SORBS2: variants seen among roughly 807,000 people sequenced by gnomAD.
SORBS2 encodes the protein sorbin and SH3 domain containing 2.
Under a neutral mutation model 97.7 loss-of-function variants are expected in SORBS2, and 46 were observed. The ratio of observed to expected loss-of-function variants is 0.47; its 90% CI spans 0.37 to 0.60. The LOEUF is 0.60. Ranked by LOEUF, SORBS2 falls within the 20% of genes least tolerant of loss-of-function variation. The probability of loss-of-function intolerance (pLI) is 0.00; values close to 1 mark genes in which losing one functional copy is unlikely to be tolerated. For synonymous variants in SORBS2, 476 were observed against 473.4 expected (o/e 1.01, Z -0.07); for missense variants, 1,316 against 1,282.3 (o/e 1.03, Z -0.40).
intron 13 of SORBS2, among the ~76,000 whole-genome samples, chr4:185,590,485 T>G (rs1044041422): frequency 6.6e-6 from 1 of 152,210 alleles, no homozygotes; most frequent in East Asian, 1.9e-4. Flanking sequence ...CTATGTGCAG[T>G]TATTACTGAT....
chr4:185,900,529 CATTTCTCATTAATTGTGAAATA>C (rs1382327648), intron 1 of SORBS2, among the ~76,000 whole-genome samples: 2 of 152,104 alleles, frequency 1.3e-5, no homozygotes, highest in Non-Finnish European at 2.9e-5. Flanking sequence ...GATAGAATCC[CATTTCTCATTAATTGTGAAATA>C]ATTTAGGACA....
intron 1 of SORBS2, among the ~76,000 whole-genome samples, chr4:185,912,568 A>C (rs1425023991): frequency 6.9e-6 from 1 of 144,992 alleles, no homozygotes; most frequent in African/African-American, 2.6e-5. Context: ...CTGGGCAACA[A>C]GAACGAAACT....
intron 2 of SORBS2, among the ~76,000 whole-genome samples, chr4:185,760,261 A>C (rs1448529481): frequency 6.6e-6 from 1 of 152,242 alleles, no homozygotes; most frequent in Non-Finnish European, 1.5e-5. Context: ...TGAAAAATTA[A>C]CAAAATGTGG....
intron 7 of SORBS2, among the ~76,000 whole-genome samples, chr4:185,622,197 G>A (rs2096729441): frequency 6.6e-6 from 1 of 152,154 alleles, no homozygotes; most frequent in South Asian, 2.1e-4. Flanking sequence ...AGAGTTTAGA[G>A]TCACTGTTAG....
At position 185,622,566 on chromosome 4, in the gene SORBS2, G is replaced by C. The variant is rs553213180; in HGVS notation, c.2215+348C>G. 5.3e-5 allele frequency among the ~76,000 whole-genome samples: 8 copies of C among 152,234 alleles called. No homozygotes were observed. The South Asian group carries it at 1.5e-3, about 28-fold the overall frequency. On this transcript the variant is annotated intron_variant, in intron 7 of 14. Coordinates refer to ENST00000418609, the Ensembl canonical transcript of SORBS2. ...AAACATTTTTAAAAGGCTATTTGTG[G>C]AACTATAGGTTTTGATTCATGTCAC...
chr4:185,949,948 C>G (rs2099276388), intron 1 of SORBS2, among the ~76,000 whole-genome samples: 1 of 152,002 alleles, frequency 6.6e-6, no homozygotes, highest in Non-Finnish European at 1.5e-5. Context: ...CAACTGGTAA[C>G]TGATCCTATC....
At chr4:185,881,219 A>G (rs1314892217) in intron 1 of SORBS2, among the ~76,000 whole-genome samples, 2 of 152,210 alleles carry the variant, frequency 1.3e-5, no homozygotes, top group Admixed American at 1.3e-4. Context: ...CCTTTACAGA[A>G]CAATACATTA....
intron 1 of SORBS2, among the ~76,000 whole-genome samples, chr4:185,904,464 C>A (rs1317977072): frequency 6.6e-6 from 1 of 152,136 alleles, no homozygotes; most frequent in Non-Finnish European, 1.5e-5. Context: ...GAGACACCTG[C>A]CTCTCTGTAA....
chr4:185,661,774 G>A (rs193047237), upstream of SORBS2, among the ~76,000 whole-genome samples: 157 of 152,302 alleles, frequency 1.0e-3, no homozygotes, highest in African/African-American at 3.8e-3. Context: ...TTCCAAGTCC[G>A]AACAAGCTGC....
chr4:185,880,484 G>C (rs879554134), intron 1 of SORBS2, among the ~76,000 whole-genome samples: 2 of 152,168 alleles, frequency 1.3e-5, no homozygotes, highest in African/African-American at 4.8e-5. Context: ...GTAATGAATG[G>C]TGTCTTGGAA....
chr4:185,902,168 A>G (rs2099248120), intron 1 of SORBS2, among the ~76,000 whole-genome samples: 1 of 152,226 alleles, frequency 6.6e-6, no homozygotes, highest in African/African-American at 2.4e-5. Context: ...ATCTGGGTTA[A>G]AAATGTTTCT....
chr4:185,801,174 T>G (rs898964549), intron 1 of SORBS2, among the ~76,000 whole-genome samples: 1 of 152,236 alleles, frequency 6.6e-6, no homozygotes, highest in Admixed American at 6.5e-5. Flanking sequence ...TACCATAATG[T>G]CCTCATATGT....
chr4:185,905,890 C>T (rs2099250509), intron 1 of SORBS2, among the ~76,000 whole-genome samples: 1 of 152,194 alleles, frequency 6.6e-6, no homozygotes. Flanking sequence ...AAGTGCCCTG[C>T]TGTCATGAGA....
intron 1 of SORBS2, among the ~76,000 whole-genome samples, chr4:185,924,910 C>G (rs564990987): frequency 1.3e-5 from 2 of 152,140 alleles, no homozygotes; most frequent in Admixed American, 1.3e-4. Flanking sequence ...TTAATCCTAT[C>G]GGCGTGAGAC....
intron 1 of SORBS2, among the ~76,000 whole-genome samples, chr4:185,936,342 A>G (rs530374910): frequency 6.6e-6 from 1 of 152,340 alleles, no homozygotes; most frequent in East Asian, 1.9e-4. Flanking sequence ...TTGATGGCCA[A>G]CTGAGAGTGG....
chr4:185,649,369 C>G (rs1337591728), intron 3 of SORBS2, 98 bp downstream of exon 12: 1 of 986,506 alleles, frequency 1.0e-6, no homozygotes, highest in East Asian at 3.0e-5. Context: ...CACATCCGCT[C>G]TCTCTGTGGC....
In SORBS2 at chr4:185,784,354, TCTC is replaced by T. The variant is rs1217743782; in HGVS notation, c.-337-8991_-337-8989del. 7.2e-5 allele frequency among the ~76,000 whole-genome samples: 11 copies of T among 152,260 alleles called. 1 individual carries two copies. The highest frequency in any genetic ancestry group is 1.5e-4 in the Non-Finnish European group (10 of 68,024). On this transcript the variant is annotated intron_variant, in intron 1 of 20. Transcript: ENST00000284776. ...ACTATGTTGGCCAGGATGGTCTCGA[TCTC>T]CTGACCTCGTGATCCGCCCACCTCG...
chr4:185,844,654 C>G (rs749292213), intron 1 of SORBS2, among the ~76,000 whole-genome samples: 6 of 152,028 alleles, frequency 3.9e-5, no homozygotes, highest in Non-Finnish European at 5.9e-5. Flanking sequence ...ACTTGTACAC[C>G]GATGCTCACA....
chr4:185,662,117 G>A lies in SORBS2; in HGVS notation c.81C>T (p.His27=), dbSNP rs367813581. The change falls in exon 5 of 21, where the codon CAC becomes CAT. Residue 27 remains histidine, a synonymous_variant. Coordinates refer to the SORBS2 transcript ENST00000284776. ...TAAATTACTTACCGAGGGATGTGCCGTGCTGCATGACAATGCTGGAGTTGA... is the reference window on the plus strand; with the variant it reads ...TAAATTACTTACCGAGGGATGTGCCATGCTGCATGACAATGCTGGAGTTGA... 5.2e-5 allele frequency: 84 copies of A among 1,614,140 alleles called. No individual in the cohort carries two copies. In the African/African-American group the frequency reaches 6.0e-4, roughly 12 times the overall value.
Sources: allele counts gnomAD v4.1 joint callset (sites outside exome capture counted in the v4.1 genomes callset), GRCh38; gene constraint gnomAD v4.1.1; transcripts MANE v1.5; gene names NCBI Gene and HGNC (gene_info 2026-07-23, HGNC 2026-07-21).